Variants in GRID2 observed in about 807,000 individuals in gnomAD.
GRID2 encodes the protein glutamate ionotropic receptor delta type subunit 2.
GRID2 carries 33 observed loss-of-function variants against 114.8 expected under a neutral mutation model. The ratio of observed to expected loss-of-function variants is 0.29; its 90% CI spans 0.22 to 0.38. GRID2 has a LOEUF of 0.38. Ranked by LOEUF, GRID2 falls within the 10% of genes least tolerant of loss-of-function variation. The pLI, the probability that GRID2 is intolerant of heterozygous loss-of-function variation, is 1.00. For missense variants in GRID2, 1,184 were observed against 1,257.7 expected, an observed-to-expected ratio of 0.94 and a Z score of 0.89; for synonymous variants, 505 against 449.9, an observed-to-expected ratio of 1.12 and a Z score of -1.55.
At chr4:92,451,706 A>T (rs1448244882) in intron 1 of GRID2, among the ~76,000 whole-genome samples, 2 of 152,322 alleles carry the variant, frequency 1.3e-5, no homozygotes, top group Admixed American at 6.5e-5. Context: ...TTCAGGCTTA[A>T]ATTATGACAC....
intron 6 of GRID2, among the ~76,000 whole-genome samples, chr4:93,217,989 C>A (rs1311006115): frequency 6.6e-6 from 1 of 151,818 alleles, no homozygotes; most frequent in African/African-American, 2.4e-5. Context: ...ACTAGTTCCT[C>A]TCTAATAATA....
chr4:92,799,867 A>G (rs190791882), intron 2 of GRID2, among the ~76,000 whole-genome samples: 105 of 152,102 alleles, frequency 6.9e-4, no homozygotes, highest in Non-Finnish European at 1.3e-3. Flanking sequence ...TCTACTCAGC[A>G]TAATTATAAT....
At chr4:92,680,740 GCA>G (rs1306656774) in intron 2 of GRID2, among the ~76,000 whole-genome samples, 1 of 152,174 alleles carries the variant, frequency 6.6e-6, no homozygotes, top group Non-Finnish European at 1.5e-5. Context: ...TAATGAAAAT[GCA>G]CAGTTTAATC....
At chr4:92,587,526 G>A (rs956427208) in intron 1 of GRID2, among the ~76,000 whole-genome samples, 1 of 152,064 alleles carries the variant, frequency 6.6e-6, no homozygotes, top group South Asian at 2.1e-4. Context: ...CACTCCTGTA[G>A]TACAAAGTCA....
intron 2 of GRID2, among the ~76,000 whole-genome samples, chr4:93,066,048 G>T (rs1728263909): frequency 6.6e-6 from 1 of 151,726 alleles, no homozygotes; most frequent in South Asian, 2.1e-4. Flanking sequence ...TGAAACTCAG[G>T]GAGGTTAAGT....
In GRID2 at chr4:92,304,547, AAAAG is replaced by A. The variant is rs1280462462; in HGVS notation, c.-106_-103del. 1.3e-5 allele frequency: 10 copies of A among 741,336 alleles called. No individual in the cohort carries two copies. Among genetic ancestry groups the A allele is most frequent in the Non-Finnish European group, 1.9e-5 (8 of 424,228 alleles). 45.9% of individuals were successfully genotyped at this position (741,336 alleles called of 1,614,324 possible). ...TGCTCTGGCAATAGGAATTTAGAAA[AAAAG>A]AAAAAGCTGCGCTAAACTCCACCGT... On this transcript the variant is annotated 5_prime_UTR_variant, in exon 1 of 16. Coordinates refer to ENST00000282020, the MANE Select transcript of GRID2 (RefSeq NM_001510.4).
chr4:93,062,770 T>G (rs1300847896), intron 2 of GRID2, among the ~76,000 whole-genome samples: 1 of 152,006 alleles, frequency 6.6e-6, no homozygotes, highest in Non-Finnish European at 1.5e-5. Context: ...AAGTTGACCT[T>G]GACTCTATAA....
chr4:93,592,185 T>A (rs1466536097), intron 13 of GRID2, among the ~76,000 whole-genome samples: 2 of 152,148 alleles, frequency 1.3e-5, no homozygotes, highest in East Asian at 3.9e-4. Flanking sequence ...CTTTCTCTTG[T>A]GGGCATTTAG....
chr4:92,353,980 G>A (rs886345965), intron 1 of GRID2, among the ~76,000 whole-genome samples: 1 of 151,962 alleles, frequency 6.6e-6, no homozygotes, highest in Non-Finnish European at 1.5e-5. Flanking sequence ...TTGCAGCCTT[G>A]CAATGTTTTC....
chr4:93,368,543 C>G (rs1300380493), intron 8 of GRID2, among the ~76,000 whole-genome samples: 1 of 152,118 alleles, frequency 6.6e-6, no homozygotes, highest in African/African-American at 2.4e-5. Flanking sequence ...CTAATGCTAT[C>G]TCTCCCCACT....
chr4:92,979,873 G>T (rs549475327), intron 2 of GRID2, among the ~76,000 whole-genome samples: 64 of 152,156 alleles, frequency 4.2e-4, no homozygotes, highest in Non-Finnish European at 7.2e-4. Flanking sequence ...TTGCCAGAAT[G>T]CCTGAGAAAT....
chr4:93,050,385 C>T (rs1726578636), intron 2 of GRID2, among the ~76,000 whole-genome samples: 1 of 151,946 alleles, frequency 6.6e-6, no homozygotes, highest in Non-Finnish European at 1.5e-5. Flanking sequence ...TTATACTCCT[C>T]CTTAATCATG....
intron 2 of GRID2, among the ~76,000 whole-genome samples, chr4:92,927,494 G>T (rs1021812496): frequency 2.0e-5 from 3 of 151,798 alleles, no homozygotes; most frequent in Non-Finnish European, 4.4e-5. Context: ...CCTGTACACA[G>T]TTGGGTTGCA....
intron 8 of GRID2, among the ~76,000 whole-genome samples, chr4:93,311,460 C>T (rs998425856): frequency 5.3e-5 from 8 of 152,216 alleles, no homozygotes; most frequent in South Asian, 2.1e-4. Flanking sequence ...CTCCACTTTA[C>T]GCCTGAGTTG....
chr4:93,457,951 G>C lies in GRID2; in HGVS notation c.1858+1977G>C, dbSNP rs191470266. ...TGATATATTTGTCAGATGCACAGAA[G>C]AGACATCTGGACTTAATATATATTT... On this transcript the variant is annotated intron_variant, in intron 11 of 15. Coordinates refer to ENST00000282020, the MANE Select transcript of GRID2 (RefSeq NM_001510.4). Among the ~76,000 whole-genome samples, 3 of 151,980 alleles carry C rather than the reference G, an allele frequency of 2.0e-5. No individual in the cohort carries two copies. The East Asian group carries it at 5.8e-4, about 29-fold the overall frequency.
At chr4:93,498,294 G>T (rs1366993392) in intron 12 of GRID2, among the ~76,000 whole-genome samples, 3 of 151,774 alleles carry the variant, frequency 2.0e-5, no homozygotes, top group Non-Finnish European at 4.4e-5. Flanking sequence ...TGACAGAAAA[G>T]ATGGAAGGTC....
chr4:92,502,320 TAA>T (rs1292110453), intron 1 of GRID2, among the ~76,000 whole-genome samples: 1 of 152,106 alleles, frequency 6.6e-6, no homozygotes, highest in African/African-American at 2.4e-5. Context: ...TCATTAAAGG[TAA>T]TATCAATTAT....
chr4:92,563,762 G>A (rs994217268), intron 1 of GRID2, among the ~76,000 whole-genome samples: 12 of 151,990 alleles, frequency 7.9e-5, no homozygotes, highest in Admixed American at 5.9e-4. Flanking sequence ...TGTCAAATTA[G>A]TCAGATATTT....
At chr4:92,449,708 T>A (rs993590400) in intron 1 of GRID2, among the ~76,000 whole-genome samples, 6 of 141,290 alleles carry the variant, frequency 4.2e-5, no homozygotes, top group African/African-American at 1.0e-4. Context: ...TATATATATA[T>A]ATAACACTTA....
Sources: gnomAD v4.1 joint callset for allele counts (sites outside exome capture counted in the v4.1 genomes callset) on GRCh38, gnomAD v4.1.1 for gene constraint, MANE v1.5 for transcripts, NCBI Gene and HGNC (gene_info 2026-07-23, HGNC 2026-07-21) for gene names.